The following SMC1B variants were observed in gnomAD, a reference collection of about 807,000 sequenced individuals.
The protein encoded by SMC1B is structural maintenance of chromosomes protein 1B.
In SMC1B, 60 loss-of-function variants were observed where a neutral mutation model predicts 157.9. The observed-to-expected ratio is 0.38, with a 90% CI of 0.31 to 0.47. The LOEUF is 0.47. SMC1B is among the 20% of genes least tolerant of loss of function. The probability of loss-of-function intolerance (pLI) is 0.99; values close to 1 mark genes in which losing one functional copy is unlikely to be tolerated. For synonymous variants in SMC1B, 445 were observed against 483.0 expected (o/e 0.92, Z 1.03); for missense variants, 1,165 against 1,426.2 (o/e 0.82, Z 2.95).
chr22:45,386,612 T>C (rs930034422), intron 11 of SMC1B, among the ~76,000 whole-genome samples: 1 of 152,036 alleles, frequency 6.6e-6, no homozygotes, highest in African/African-American at 2.4e-5. Context: ...TGCTTTAAGA[T>C]ATTATTAAAA....
rs773222128 is a variant in SMC1B at position 45,399,127 on chromosome 22, T to C, written c.1081A>G (p.Lys361Glu). The change falls in exon 6 of 25, where the codon AAA (lysine) becomes GAA (glutamate). Residue 361 changes from lysine to glutamate, a missense_variant. Lys to Glu is a moderately conservative substitution (Grantham distance 56). Coordinates refer to ENST00000357450, the MANE Select transcript of SMC1B (RefSeq NM_148674.5). ...EKQIEEEILHKKRDIELEASQ... is the reference protein window; with the variant it reads ...EKQIEEEILHEKRDIELEASQ... ...GCTTCCAGTTCAATGTCTCGCTTTT[T>C]ATGTAAAATTTCTTCCTCAATCTGC... 16 of 1,613,606 alleles carry C rather than the reference T, an allele frequency of 9.9e-6. No homozygotes were observed. The highest frequency in any genetic ancestry group is 1.1e-5 in the Non-Finnish European group (13 of 1,179,958).
chr22:45,371,094 C>T lies in SMC1B; in HGVS notation c.2313+377G>A, dbSNP rs570422271. On this transcript the variant is annotated intron_variant, in intron 14 of 24. Transcript: ENST00000357450. ...CTAGAGCCAAGTACTGTGCCTGACA[C>T]AGAATAGGTGTTTTAAAAAAAACTC... 8.6e-4 allele frequency among the ~76,000 whole-genome samples: 131 copies of T among 152,156 alleles called. 1 individual carries two copies. Among genetic ancestry groups the T allele is most frequent in the African/African-American group, 3.0e-3 (126 of 41,500 alleles).
At chr22:45,394,619 G>A in intron 8 of SMC1B, 66 bp downstream of exon 8, 2 of 1,406,636 alleles carry the variant, frequency 1.4e-6, no homozygotes, top group Non-Finnish European at 1.9e-6. Context: ...CTGGGCGATG[G>A]GAGTGAGACC....
At chr22:45,411,733 T>G (rs903318971) in intron 1 of SMC1B, among the ~76,000 whole-genome samples, 1 of 149,950 alleles carries the variant, frequency 6.7e-6, no homozygotes, top group Non-Finnish European at 1.5e-5. Flanking sequence ...ACTACAGGCG[T>G]GCGCCACCAC....
At chr22:45,362,830 T>G in intron 16 of SMC1B, 55 bp downstream of exon 16, 1 of 1,470,686 alleles carries the variant, frequency 6.8e-7, no homozygotes, top group Non-Finnish European at 9.4e-7. Context: ...GTTTACCACA[T>G]GAAGGAAGTC....
At chr22:45,396,284 C>T (rs1189627730) in intron 7 of SMC1B, 62 bp downstream of exon 7, 2 of 1,458,786 alleles carry the variant, frequency 1.4e-6, no homozygotes, top group African/African-American at 1.4e-5. Flanking sequence ...GAGACAGGTA[C>T]AAAAAGGAAA....
chr22:45,393,425 G>A (rs920509497), intron 9 of SMC1B, among the ~76,000 whole-genome samples: 7 of 151,982 alleles, frequency 4.6e-5, no homozygotes, highest in African/African-American at 7.3e-5. Flanking sequence ...CAATAATTAC[G>A]TTATCTACAG....
At chr22:45,379,387 T>TCACTGACA (rs2086913291) in intron 12 of SMC1B, among the ~76,000 whole-genome samples, 1 of 152,266 alleles carries the variant, frequency 6.6e-6, no homozygotes, top group African/African-American at 2.4e-5. Flanking sequence ...CTACTCATGT[T>TCACTGACA]TACCGTAATC....
In SMC1B at chr22:45,413,563, G is replaced by A. The variant is rs1191209141; in HGVS notation, c.5C>T (p.Ala2Val). The A allele has an allele frequency of 6.2e-7, 1 of 1,602,262 alleles. No individual in the cohort carries two copies. Among genetic ancestry groups the A allele is most frequent in the Non-Finnish European group, 8.5e-7 (1 of 1,174,506 alleles). The change falls in exon 1 of 25, where the codon GCC (alanine) becomes GTC (valine). Residue 2 changes from alanine (A) to valine (V), a missense_variant. Ala to Val is a moderately conservative substitution (Grantham distance 64, BLOSUM62 0). Transcript: ENST00000357450. ...TTCCACAAGCAGCAGCTCCAGGTGG[G>A]CCATGGCGCCGCCCTCCACGCCTCA... is the stretch of plus-strand genomic sequence containing the variant. M[A>V]HLELLLVENF...
chr22:45,408,232 TCTC>T (rs1387100833), intron 2 of SMC1B, among the ~76,000 whole-genome samples: 1 of 152,146 alleles, frequency 6.6e-6, no homozygotes, highest in African/African-American at 2.4e-5. Context: ...TTCATGCCAT[TCTC>T]CTGCCTCAGC....
At position 45,349,791 on chromosome 22, in the gene SMC1B, A is replaced by G. The variant is rs757037001; in HGVS notation, c.3432T>C (p.Arg1144=). The G allele has an allele frequency of 6.2e-7, 1 of 1,608,694 alleles. No homozygotes were observed. Among genetic ancestry groups the G allele is most frequent in the Non-Finnish European group, 8.5e-7 (1 of 1,178,318 alleles). Residue 1144 remains arginine (R), a synonymous_variant, in exon 23 of 25, where the codon CGT becomes CGC. Coordinates refer to ENST00000357450, the MANE Select transcript of SMC1B (RefSeq NM_148674.5). ...CATCTAAAACAAAGAATGGGGCAGG[A>G]CGAAAACTAGAAAAAAATTACAATC... ...LALLFAVHSF[R]PAPFFVLDEV... is the part of the protein sequence containing the mutation.
chr22:45,382,423 A>G (rs987802266), intron 12 of SMC1B, among the ~76,000 whole-genome samples: 2 of 152,216 alleles, frequency 1.3e-5, no homozygotes, highest in African/African-American at 4.8e-5. Context: ...GAAAAACTAT[A>G]ATGACAGAAA....
intron 7 of SMC1B, 112 bp downstream of exon 7, chr22:45,396,234 A>C: frequency 1.2e-6 from 1 of 834,826 alleles, no homozygotes; most frequent in Non-Finnish European, 1.7e-6. Context: ...AAATAAATGA[A>C]ATGAGACAGT....
chr22:45,371,628 T>C (rs2086833226), intron 13 of SMC1B, 41 bp from the exon 14 acceptor site: 2 of 1,553,830 alleles, frequency 1.3e-6, no homozygotes, highest in Non-Finnish European at 1.7e-6. Flanking sequence ...ATGGCTGTTT[T>C]AGCTTTATAT....
At chr22:45,371,621 G>C (rs766705383) in intron 13 of SMC1B, 34 bp from the exon 14 acceptor site, 1 of 1,562,164 alleles carries the variant, frequency 6.4e-7, no homozygotes, top group South Asian at 1.2e-5. Context: ...TTTTAACATG[G>C]CTGTTTTAGC....
At chr22:45,397,829 T>A (rs2087143143) in intron 6 of SMC1B, among the ~76,000 whole-genome samples, 1 of 151,980 alleles carries the variant, frequency 6.6e-6, no homozygotes, top group Non-Finnish European at 1.5e-5. Flanking sequence ...ACCTCTTGCA[T>A]CCCCTCTCTG....
intron 10 of SMC1B, among the ~76,000 whole-genome samples, chr22:45,388,495 A>C (rs1215473325): frequency 6.6e-6 from 1 of 152,222 alleles, no homozygotes; most frequent in Non-Finnish European, 1.5e-5. Flanking sequence ...TAGTGAGCAG[A>C]AGGTAACAAC....
In SMC1B at chr22:45,404,200, C is replaced by T. The variant is rs548060409; in HGVS notation, c.616-1629G>A. Among the ~76,000 whole-genome samples the T allele has an allele frequency of 1.4e-4, 21 of 152,116 alleles. 1 individual carries two copies. The South Asian group carries it at 4.2e-3, about 30-fold the overall frequency. Reference sequence around the variant, plus strand: ...CAAGTAATCCACCTGCCTCGGTCTCCCAAAGTGTTGGGATTATAGGCATGA... The same window carrying T: ...CAAGTAATCCACCTGCCTCGGTCTCTCAAAGTGTTGGGATTATAGGCATGA... On this transcript the variant is annotated intron_variant, in intron 4 of 24. Transcript: ENST00000357450.
chr22:45,352,878 A>G (rs978608688), intron 21 of SMC1B, among the ~76,000 whole-genome samples: 7 of 152,226 alleles, frequency 4.6e-5, no homozygotes, highest in African/African-American at 1.7e-4. Flanking sequence ...CCACAGTCTT[A>G]CAAAACAGTC....
Sources: gnomAD v4.1 joint callset for allele counts (sites outside exome capture counted in the v4.1 genomes callset) on GRCh38, gnomAD v4.1.1 for gene constraint, MANE v1.5 for transcripts, NCBI Gene and HGNC (gene_info 2026-07-23, HGNC 2026-07-21) for gene names.